ZNF860: variants seen among roughly 807,000 people sequenced by gnomAD.
ZNF860 encodes zinc finger protein 860.
For missense variants in ZNF860, 641 were observed against 759.2 expected, an observed-to-expected ratio of 0.84 and a Z score of 1.83; for synonymous variants, 206 against 248.9, an observed-to-expected ratio of 0.83 and a Z score of 1.62.
chr3:31,995,655 CA>C (rs1346416757), downstream of ZNF860, among the ~76,000 whole-genome samples: 1 of 152,130 alleles, frequency 6.6e-6, no homozygotes, highest in Non-Finnish European at 1.5e-5. Flanking sequence ...ACGAAGATAA[CA>C]GGATTAAGAG....
chr3:31,988,930 C>A lies in ZNF860; in HGVS notation c.-150C>A. On this transcript the variant is annotated 5_prime_UTR_variant, in exon 2 of 2. Transcript: ENST00000360311. The stretch of plus-strand genomic sequence containing the variant: ...AGCTGAAGTGCCTCCAAACCCCGAC[C>A]CACAGCGACTGTGAGATAATCAGTG... The A allele has an allele frequency of 9.7e-7, 1 of 1,035,956 alleles. No individual in the cohort carries two copies. The highest frequency in any genetic ancestry group is 1.4e-6 in the Non-Finnish European group (1 of 719,810). The allele number at this position is 1,035,956 out of a possible 1,614,324, so 64.2% of individuals were successfully genotyped here.
downstream of ZNF860, among the ~76,000 whole-genome samples, chr3:31,992,566 C>T (rs35781067): frequency 0.028 from 4,207 of 152,298 alleles, 99 homozygotes; most frequent in African/African-American, 0.07. Context: ...ACTCCAATCT[C>T]TGGTTCTGTC....
At position 31,990,003 on chromosome 3, in the gene ZNF860, T is replaced by C. The variant is rs531368390; in HGVS notation, c.924T>C (p.His308=). 167 of 1,614,152 alleles carry C rather than the reference T, an allele frequency of 1.0e-4. No individual in the cohort carries two copies. The African/African-American group carries it at 2.0e-3, about 19-fold the overall frequency. ...QSNLASHHRL[H]TGEKPYKCEE... Reference sequence around the variant, plus strand: ...ACCTTGCAAGTCATCATAGACTTCATACTGGAGAGAAACCTTACAAATGTG... The same window carrying C: ...ACCTTGCAAGTCATCATAGACTTCACACTGGAGAGAAACCTTACAAATGTG... The change falls in exon 2 of 2, where the codon CAT becomes CAC. Residue 308 remains histidine, a synonymous_variant. Coordinates refer to ENST00000360311, the MANE Select transcript of ZNF860 (RefSeq NM_001137674.3).
At chr3:32,002,810 T>C in the ZNF860 span, among the ~76,000 whole-genome samples, 1 of 129,748 alleles carries the variant, frequency 7.7e-6, no homozygotes, top group Non-Finnish European at 1.8e-5. Context: ...CTATTTATTG[T>C]TAACTTTGAA....
the ZNF860 span, among the ~76,000 whole-genome samples, chr3:31,999,666 A>C: frequency 6.6e-6 from 1 of 152,012 alleles, no homozygotes; most frequent in South Asian, 2.1e-4. Flanking sequence ...CGGCCTCAAA[A>C]TCATTTTTAA....
chr3:31,986,598 G>A (rs1015818372), intron 1 of ZNF860, among the ~76,000 whole-genome samples: 1 of 151,914 alleles, frequency 6.6e-6, no homozygotes, highest in Admixed American at 6.6e-5. Flanking sequence ...ACAAAAAAAA[G>A]TTTATATTTT....
the ZNF860 span, among the ~76,000 whole-genome samples, chr3:32,003,694 A>T: frequency 6.6e-6 from 1 of 152,162 alleles, no homozygotes; most frequent in South Asian, 2.1e-4. Flanking sequence ...AAGGGCAAGG[A>T]TTTAATTGGT....
At chr3:32,002,228 T>C in the ZNF860 span, among the ~76,000 whole-genome samples, 1 of 152,188 alleles carries the variant, frequency 6.6e-6, no homozygotes, top group South Asian at 2.1e-4. Flanking sequence ...GGTGCTATGA[T>C]GAATTGCTGT....
chr3:31,990,423 T>C lies in ZNF860; in HGVS notation c.1344T>C (p.His448=), dbSNP rs767682924. The change falls in exon 2 of 2, where the codon CAT becomes CAC. Residue 448 remains histidine (H), a synonymous_variant. Transcript: ENST00000360311. ...RSYLVVHWRT[H]TGEKPYKCNE... ...ATCTCGTAGTTCATTGGCGAACTCA[T>C]ACTGGAGAGAAACCTTACAAGTGTA... The C allele has an allele frequency of 6.9e-6, 11 of 1,599,356 alleles. No individual in the cohort carries two copies. The South Asian group carries it at 1.0e-4, about 15-fold the overall frequency.
rs1261330891 is a variant in ZNF860 at position 31,989,912 on chromosome 3, G to C, written c.833G>C (p.Arg278Thr). 1 of 1,614,174 alleles carries C rather than the reference G, an allele frequency of 6.2e-7. No homozygotes were observed. The highest frequency in any genetic ancestry group is 1.7e-5 in the Admixed American group (1 of 60,024). The change falls in exon 2 of 2, where the codon AGA becomes ACA. Residue 278 changes from arginine to threonine, a missense_variant. Arg to Thr is a moderately conservative substitution (Grantham distance 71). Coordinates refer to ENST00000360311, the MANE Select transcript of ZNF860 (RefSeq NM_001137674.3). ...AAGCGATACCTTGCATGCCATCATA[G>C]ATGTCACACTGGTGAGAAACCTTAC... ...NQKRYLACHH[R>T]CHTGEKPYKC...
chr3:31,991,119 G>A lies in ZNF860; in HGVS notation c.*141G>A. 1 of 850,490 alleles carries A rather than the reference G, an allele frequency of 1.2e-6. No homozygotes were observed. The highest frequency in any genetic ancestry group is 2.6e-5 in the East Asian group (1 of 38,522). 52.7% of individuals were successfully genotyped at this position (850,490 alleles called of 1,614,324 possible). On this transcript the variant is annotated 3_prime_UTR_variant, in exon 2 of 2. Coordinates refer to ENST00000360311, the MANE Select transcript of ZNF860 (RefSeq NM_001137674.3). ...TGAGTTTCAGTTGACTTGACATTGA[G>A]TTCAAGCATTAATTGACATTAAAGT...
chr3:31,999,278 A>G, the ZNF860 span, among the ~76,000 whole-genome samples: 3 of 151,770 alleles, frequency 2.0e-5, no homozygotes, highest in South Asian at 6.3e-4. Flanking sequence ...TGATGATAAC[A>G]TGGCCCAGAT....
downstream of ZNF860, among the ~76,000 whole-genome samples, chr3:31,992,237 T>C (rs79539499): frequency 8.1e-3 from 1,239 of 152,198 alleles, 48 homozygotes; most frequent in East Asian, 0.15. Flanking sequence ...CTAGAAATAG[T>C]TTCATATGAA....
In ZNF860 at chr3:31,987,291, A is replaced by G. The variant is rs550834629; in HGVS notation, c.-420-1369A>G. The stretch of plus-strand genomic sequence containing the variant: ...AGTATAGACAATTTCCTTTAGAGCT[A>G]TATTATCCTTTGTAACAGTTTCAGA... On this transcript the variant is annotated intron_variant, in intron 1 of 1. Coordinates refer to ENST00000360311, the MANE Select transcript of ZNF860 (RefSeq NM_001137674.3). Among the ~76,000 whole-genome samples, 14 of 152,332 alleles carry G rather than the reference A, an allele frequency of 9.2e-5. No individual in the cohort carries two copies. In the South Asian group the frequency reaches 2.9e-3, roughly 32 times the overall value.
At chr3:32,006,134 G>A in the ZNF860 span, among the ~76,000 whole-genome samples, 6 of 151,438 alleles carry the variant, frequency 4.0e-5, no homozygotes, top group South Asian at 2.1e-4. Context: ...TAATAGAGAC[G>A]GGGGTTTCAC....
downstream of ZNF860, among the ~76,000 whole-genome samples, chr3:31,996,113 G>A (rs62244405): frequency 0.069 from 10,533 of 152,206 alleles, 646 homozygotes; most frequent in East Asian, 0.32. Flanking sequence ...CCATTTAAAC[G>A]GCAGTTTTAA....
At chr3:31,995,751 C>T (rs1311783397), downstream of ZNF860, among the ~76,000 whole-genome samples, 3 of 152,160 alleles carry the variant, frequency 2.0e-5, no homozygotes, top group Non-Finnish European at 4.4e-5. Context: ...AATTTATGTT[C>T]CTCTGCTGAG....
At chr3:31,983,982 A>G (rs941395495) in intron 1 of ZNF860, among the ~76,000 whole-genome samples, 4 of 152,112 alleles carry the variant, frequency 2.6e-5, no homozygotes, top group African/African-American at 9.7e-5. Flanking sequence ...GGAGTGTATT[A>G]TTACTCAAAT....
the ZNF860 span, among the ~76,000 whole-genome samples, chr3:32,003,295 TG>T: frequency 6.6e-6 from 1 of 152,216 alleles, no homozygotes; most frequent in Non-Finnish European, 1.5e-5. Context: ...GTCATTAGCG[TG>T]GTCTTCCTAT....
Sources: gnomAD v4.1 joint callset for allele counts (sites outside exome capture counted in the v4.1 genomes callset) on GRCh38, gnomAD v4.1.1 for gene constraint, MANE v1.5 for transcripts, NCBI Gene and HGNC (gene_info 2026-07-23, HGNC 2026-07-21) for gene names.